The following GRID2 variants were observed in gnomAD, a reference collection of about 807,000 sequenced individuals.
GRID2 encodes the protein glutamate receptor ionotropic, delta-2.
In GRID2, 33 loss-of-function variants were observed where a neutral mutation model predicts 114.8. That is an observed-to-expected ratio of 0.29 (90% CI 0.22 to 0.38). The LOEUF is 0.38. Among genes scored for constraint, GRID2 ranks in the 10% least tolerant of loss-of-function variants. The probability of loss-of-function intolerance (pLI) is 1.00; values close to 1 mark genes in which losing one functional copy is unlikely to be tolerated. For missense variants in GRID2, 1,184 were observed against 1,257.7 expected (o/e 0.94, Z 0.89); for synonymous variants, 505 against 449.9 (o/e 1.12, Z -1.55).
At chr4:93,179,290 C>A (rs1195222252) in intron 4 of GRID2, among the ~76,000 whole-genome samples, 4 of 152,136 alleles carry the variant, frequency 2.6e-5, no homozygotes, top group Non-Finnish European at 5.9e-5. Flanking sequence ...GCTAGTATAT[C>A]TTCTTGTCTT....
At chr4:92,725,565 C>T (rs1736028918) in intron 2 of GRID2, among the ~76,000 whole-genome samples, 2 of 151,948 alleles carry the variant, frequency 1.3e-5, no homozygotes, top group South Asian at 4.2e-4. Flanking sequence ...TGAGTAAGGG[C>T]TTCATTTTAG....
intron 13 of GRID2, among the ~76,000 whole-genome samples, chr4:93,552,797 C>G (rs986764238): frequency 6.8e-6 from 1 of 148,006 alleles, no homozygotes; most frequent in Admixed American, 6.8e-5. Flanking sequence ...CCCCACCCCC[C>G]AATAGGCCCC....
intron 2 of GRID2, among the ~76,000 whole-genome samples, chr4:92,902,563 T>C (rs1182307412): frequency 3.3e-5 from 5 of 152,118 alleles, no homozygotes; most frequent in African/African-American, 7.2e-5. Flanking sequence ...ATAAATTCTT[T>C]GCCTAGGCCA....
intron 14 of GRID2, among the ~76,000 whole-genome samples, chr4:93,688,806 A>T (rs1726296246): frequency 6.6e-6 from 1 of 152,076 alleles, no homozygotes; most frequent in Non-Finnish European, 1.5e-5. Context: ...AAGGCTAAAT[A>T]ACTCACTCAT....
At chr4:93,528,866 G>A (rs994798257) in intron 13 of GRID2, among the ~76,000 whole-genome samples, 2 of 152,096 alleles carry the variant, frequency 1.3e-5, no homozygotes, top group African/African-American at 2.4e-5. Flanking sequence ...CTGCCATTGC[G>A]ATTCCTAGAA....
At chr4:93,196,532 G>A (rs1741510102) in intron 4 of GRID2, among the ~76,000 whole-genome samples, 3 of 152,056 alleles carry the variant, frequency 2.0e-5, no homozygotes, top group African/African-American at 7.2e-5. Context: ...TACTGGAAAA[G>A]TCCAAGGATA....
At chr4:92,943,275 A>T (rs1412076337) in intron 2 of GRID2, among the ~76,000 whole-genome samples, 4 of 151,906 alleles carry the variant, frequency 2.6e-5, no homozygotes, top group Non-Finnish European at 5.9e-5. Context: ...TTTTCTTTTT[A>T]TTCTTTTTTC....
chr4:93,535,282 TTATC>T lies in GRID2; in HGVS notation c.2193+19875_2193+19878del, dbSNP rs1280875414. Among the ~76,000 whole-genome samples the T allele has an allele frequency of 2.7e-5, 4 of 149,474 alleles. No individual in the cohort carries two copies. The East Asian group carries it at 7.9e-4, about 30-fold the overall frequency. On this transcript the variant is annotated intron_variant, in intron 13 of 15. Coordinates refer to ENST00000282020, the MANE Select transcript of GRID2 (RefSeq NM_001510.4). ...CACACACACACACACCACATTTTCT[TTATC>T]TATTCATACACTGACAGACATTTTG...
chr4:93,107,662 G>A (rs942162491), intron 3 of GRID2, among the ~76,000 whole-genome samples: 1 of 151,572 alleles, frequency 6.6e-6, no homozygotes, highest in African/African-American at 2.4e-5. Flanking sequence ...CCTCAGCCTG[G>A]GTATGTATTT....
chr4:92,489,617 G>A (rs934621849), intron 1 of GRID2, among the ~76,000 whole-genome samples: 4 of 152,058 alleles, frequency 2.6e-5, no homozygotes, highest in Non-Finnish European at 4.4e-5. Context: ...AGGCCAAGGC[G>A]GGTGGATCAC....
intron 2 of GRID2, among the ~76,000 whole-genome samples, chr4:92,984,227 A>G (rs958943704): frequency 1.3e-5 from 2 of 152,322 alleles, no homozygotes; most frequent in South Asian, 4.1e-4. Context: ...CTGGAAACTC[A>G]TACTATTCCT....
At chr4:93,715,543 T>C (rs1217459307) in intron 14 of GRID2, among the ~76,000 whole-genome samples, 3 of 152,220 alleles carry the variant, frequency 2.0e-5, no homozygotes, top group Non-Finnish European at 4.4e-5. Flanking sequence ...TTTCACAATA[T>C]TGATTCTTCC....
chr4:92,533,822 T>C (rs1725474658), intron 1 of GRID2, among the ~76,000 whole-genome samples: 1 of 152,066 alleles, frequency 6.6e-6, no homozygotes, highest in South Asian at 2.1e-4. Flanking sequence ...CAAACTATAG[T>C]AACACCACAA....
intron 1 of GRID2, among the ~76,000 whole-genome samples, chr4:92,460,125 CT>C (rs568905586): frequency 4.5e-4 from 65 of 144,002 alleles, no homozygotes; most frequent in East Asian, 3.9e-3. Context: ...CCAGAAAGTG[CT>C]GACCATCTTA....
At chr4:92,477,798 A>G (rs1722390654) in intron 1 of GRID2, among the ~76,000 whole-genome samples, 1 of 147,548 alleles carries the variant, frequency 6.8e-6, no homozygotes, top group South Asian at 2.1e-4. Flanking sequence ...TAATATACAT[A>G]TAATACATTA....
intron 1 of GRID2, among the ~76,000 whole-genome samples, chr4:92,323,550 C>G (rs1025574788): frequency 6.6e-6 from 1 of 152,046 alleles, no homozygotes; most frequent in East Asian, 1.9e-4. Flanking sequence ...CATTCTCTTG[C>G]TCTTTCATTG....
chr4:93,319,233 C>A (rs1202198125), intron 8 of GRID2, among the ~76,000 whole-genome samples: 2 of 152,038 alleles, frequency 1.3e-5, no homozygotes, highest in Admixed American at 1.3e-4. Context: ...TCTTATTGAC[C>A]TTAAACACAG....
At chr4:92,530,830 C>G (rs1487993599) in intron 1 of GRID2, among the ~76,000 whole-genome samples, 2 of 151,638 alleles carry the variant, frequency 1.3e-5, no homozygotes, top group African/African-American at 2.4e-5. Flanking sequence ...TCACTTGAAC[C>G]TGGGAGGTGG....
At chr4:92,631,022 A>C (rs1050276077) in intron 2 of GRID2, among the ~76,000 whole-genome samples, 1 of 151,762 alleles carries the variant, frequency 6.6e-6, no homozygotes, top group Non-Finnish European at 1.5e-5. Context: ...GAGAAAAAAA[A>C]AAAGAAAAAA....
Sources: gnomAD v4.1 joint callset for allele counts (sites outside exome capture counted in the v4.1 genomes callset) on GRCh38, gnomAD v4.1.1 for gene constraint, MANE v1.5 for transcripts, NCBI Gene and HGNC (gene_info 2026-07-23, HGNC 2026-07-21) for gene names.